TLL2: variants seen among roughly 807,000 people sequenced by gnomAD.
The protein encoded by TLL2 is tolloid like 2.
Under a neutral mutation model 123.0 loss-of-function variants are expected in TLL2, and 106 were observed. The ratio of observed to expected loss-of-function variants is 0.86; its 90% CI spans 0.74 to 1.01. TLL2 has a LOEUF of 1.01. Ranked by LOEUF, TLL2 falls within the 50% of genes least tolerant of loss-of-function variation. The pLI is 0.00. For synonymous variants in TLL2, 494 were observed against 516.8 expected, an observed-to-expected ratio of 0.96 and a Z score of 0.60; for missense variants, 1,332 against 1,336.7, an observed-to-expected ratio of 1.00 and a Z score of 0.06.
intron 11 of TLL2, among the ~76,000 whole-genome samples, chr10:96,396,447 G>A (rs1010182432): frequency 6.6e-6 from 1 of 152,074 alleles, no homozygotes; most frequent in African/African-American, 2.4e-5. Context: ...GCACACATGC[G>A]CACACATGCA....
chr10:96,425,509 T>C (rs1846670969), intron 5 of TLL2, among the ~76,000 whole-genome samples: 1 of 146,122 alleles, frequency 6.8e-6, no homozygotes, highest in Admixed American at 6.8e-5. Flanking sequence ...CTATTTTTAC[T>C]TTTTTTTTTT....
intron 4 of TLL2, among the ~76,000 whole-genome samples, chr10:96,432,076 C>A (rs1397617348): frequency 6.6e-6 from 1 of 152,012 alleles, no homozygotes. Flanking sequence ...GCATTACAGG[C>A]CCATGGTCAG....
intron 3 of TLL2, among the ~76,000 whole-genome samples, chr10:96,445,743 G>A (rs1191304148): frequency 2.0e-5 from 3 of 152,078 alleles, no homozygotes; most frequent in African/African-American, 4.8e-5. Flanking sequence ...ACCAAATGCC[G>A]CCCTTCCATC....
chr10:96,457,993 G>C (rs74151348), intron 2 of TLL2, among the ~76,000 whole-genome samples: 7,388 of 152,162 alleles, frequency 0.049, 543 homozygotes, highest in African/African-American at 0.16. Flanking sequence ...CTCCTTTGCT[G>C]ATGTCTCCCC....
At position 96,487,969 on chromosome 10, in the gene TLL2, C is replaced by T. The variant is rs144756208; in HGVS notation, c.176-7510G>A. Among the ~76,000 whole-genome samples the T allele has an allele frequency of 2.1e-3, 323 of 152,298 alleles. 4 individuals carry two copies. The highest frequency in any genetic ancestry group is 7.5e-3 in the African/African-American group (311 of 41,556). On this transcript the variant is annotated intron_variant, in intron 1 of 20. Coordinates refer to ENST00000357947, the MANE Select transcript of TLL2 (RefSeq NM_012465.4). ...GCCCAGTGGCTGACGGTGAAGGAAC[C>T]GAATCAGATAGCCCCCAGCTCACGT...
intron 1 of TLL2, among the ~76,000 whole-genome samples, chr10:96,500,810 G>GAGGGAGGC (rs147796881): frequency 0.12 from 17,021 of 139,154 alleles, 1,157 homozygotes; most frequent in African/African-American, 0.14. Context: ...GGGACGGAGG[G>GAGGGAGGC]AGGGAGGGAG....
intron 1 of TLL2, among the ~76,000 whole-genome samples, chr10:96,484,348 A>G (rs1406788119): frequency 1.3e-5 from 2 of 152,214 alleles, no homozygotes; most frequent in Admixed American, 6.5e-5. Flanking sequence ...GTAACATGAG[A>G]CAAAAACTTC....
intron 7 of TLL2, among the ~76,000 whole-genome samples, chr10:96,415,891 T>C (rs1846556289): frequency 6.6e-6 from 1 of 150,512 alleles, no homozygotes; most frequent in Admixed American, 6.6e-5. Flanking sequence ...ACTTTTTTTT[T>C]CTAAATCAGA....
intron 1 of TLL2, among the ~76,000 whole-genome samples, chr10:96,496,619 T>C (rs1327162908): frequency 6.6e-6 from 1 of 152,236 alleles, no homozygotes; most frequent in Non-Finnish European, 1.5e-5. Flanking sequence ...TCCTCATCTA[T>C]ATCATAATAT....
At chr10:96,417,284 G>A (rs943352509) in intron 7 of TLL2, among the ~76,000 whole-genome samples, 1 of 152,206 alleles carries the variant, frequency 6.6e-6, no homozygotes. Flanking sequence ...AAAGCTCCCA[G>A]TAAAAACCCA....
chr10:96,427,945 C>T (rs1846695220), intron 5 of TLL2, among the ~76,000 whole-genome samples: 1 of 152,076 alleles, frequency 6.6e-6, no homozygotes, highest in Non-Finnish European at 1.5e-5. Context: ...CAGGCATGTG[C>T]CACCACACCT....
intron 13 of TLL2, among the ~76,000 whole-genome samples, chr10:96,387,361 A>G (rs535161883): frequency 6.6e-6 from 1 of 152,374 alleles, no homozygotes; most frequent in South Asian, 2.1e-4. Context: ...GTGTTTGGTC[A>G]TCGGTCATTT....
chr10:96,465,526 C>CAAGAAAAGG (rs1477016095), intron 2 of TLL2, among the ~76,000 whole-genome samples: 1 of 152,146 alleles, frequency 6.6e-6, no homozygotes, highest in Non-Finnish European at 1.5e-5. Flanking sequence ...ACTGAACCCT[C>CAAGAAAAGG]AAGAAAAGGA....
chr10:96,491,561 A>G (rs1312636935), intron 1 of TLL2, among the ~76,000 whole-genome samples: 1 of 152,226 alleles, frequency 6.6e-6, no homozygotes, highest in Non-Finnish European at 1.5e-5. Flanking sequence ...ATAGATTATG[A>G]AGTGCAATAG....
intron 1 of TLL2, among the ~76,000 whole-genome samples, chr10:96,499,979 TAAAGGTATA>T (rs1263553642): frequency 5.3e-5 from 8 of 151,810 alleles, no homozygotes; most frequent in African/African-American, 1.9e-4. Flanking sequence ...AATGGGAGTG[TAAAGGTATA>T]AAAATCTTTT....
chr10:96,378,924 G>A (rs761934712), intron 17 of TLL2, 43 bp downstream of exon 17: 14 of 1,609,768 alleles, frequency 8.7e-6, no homozygotes, highest in African/African-American at 1.3e-5. Context: ...GGGGTGCGGC[G>A]AAGGGCAGCC....
At position 96,422,626 on chromosome 10, in the gene TLL2, A is replaced by G; in HGVS notation, c.740T>C (p.Val247Ala). 2 of 1,614,202 alleles carry G rather than the reference A, an allele frequency of 1.2e-6. No homozygotes were observed. The highest frequency in any genetic ancestry group is 2.2e-5 in the South Asian group (2 of 91,080). The change falls in exon 6 of 21, where the codon GTG (valine) becomes GCG (alanine). Residue 247 changes from valine (V) to alanine (A), a missense_variant. Physicochemically the swap from Val to Ala is moderately conservative, Grantham distance 64 (BLOSUM62 0). Transcript: ENST00000357947. ...GGTGTGTTCATGCCAAAACCCAACC[A>G]CATGGCCCAGCTCGTGAGCCACAAT... ...FGIVAHELGHVVGFWHEHTRP... is the reference protein window; with the variant it reads ...FGIVAHELGHAVGFWHEHTRP...
intron 2 of TLL2, among the ~76,000 whole-genome samples, chr10:96,464,309 A>G (rs1399314688): frequency 1.3e-5 from 2 of 152,074 alleles, no homozygotes; most frequent in Non-Finnish European, 1.5e-5. Context: ...ACGTGATCCC[A>G]GGAGGTGGAG....
intron 7 of TLL2, among the ~76,000 whole-genome samples, chr10:96,418,398 T>C (rs1206123895): frequency 6.6e-6 from 1 of 152,160 alleles, no homozygotes; most frequent in Non-Finnish European, 1.5e-5. Context: ...TGGTACAGAC[T>C]TACAGATTCA....
Sources: gnomAD v4.1 joint callset for allele counts (sites outside exome capture counted in the v4.1 genomes callset) on GRCh38, gnomAD v4.1.1 for gene constraint, MANE v1.5 for transcripts, NCBI Gene and HGNC (gene_info 2026-07-23, HGNC 2026-07-21) for gene names.